The following RALGAPA2 variants were observed in gnomAD, a reference collection of about 807,000 sequenced individuals.
RALGAPA2 encodes the protein ral GTPase-activating protein subunit alpha-2.
In RALGAPA2, 139 loss-of-function variants were observed where a neutral mutation model predicts 230.4. That is an observed-to-expected ratio of 0.60 (90% CI 0.53 to 0.69). The LOEUF is 0.69. RALGAPA2 is among the 30% of genes least tolerant of loss of function. RALGAPA2 has a pLI of 0.00. For synonymous variants in RALGAPA2, 847 were observed against 837.8 expected, an observed-to-expected ratio of 1.01 and a Z score of -0.19; for missense variants, 2,163 against 2,276.0, an observed-to-expected ratio of 0.95 and a Z score of 1.01.
At chr20:20,605,955 T>A (rs1021164018) in intron 14 of RALGAPA2, among the ~76,000 whole-genome samples, 1 of 152,110 alleles carries the variant, frequency 6.6e-6, no homozygotes, top group African/African-American at 2.4e-5. Flanking sequence ...CCCGCTCTGC[T>A]ACCCTGTTGC....
chr20:20,418,712 A>G (rs1434483383), intron 37 of RALGAPA2, among the ~76,000 whole-genome samples: 1 of 150,692 alleles, frequency 6.6e-6, no homozygotes, highest in Non-Finnish European at 1.5e-5. Flanking sequence ...CGAAGGACAC[A>G]TTGAGTGCAA....
chr20:20,456,889 A>G (rs1206831888), intron 37 of RALGAPA2, among the ~76,000 whole-genome samples: 1 of 151,794 alleles, frequency 6.6e-6, no homozygotes, highest in African/African-American at 2.4e-5. Context: ...GCACAATCAT[A>G]TTGCACTACA....
chr20:20,543,385 T>C (rs2063700211), intron 24 of RALGAPA2, among the ~76,000 whole-genome samples: 3 of 152,102 alleles, frequency 2.0e-5, no homozygotes, highest in South Asian at 2.1e-4. Context: ...ACTGGGTATA[T>C]ACCCAAAGGA....
intron 3 of RALGAPA2, 87 bp from the exon 4 acceptor site, chr20:20,653,674 T>A: frequency 1.4e-6 from 1 of 733,818 alleles, no homozygotes; most frequent in Non-Finnish European, 2.3e-6. Flanking sequence ...GTAGGTAAGT[T>A]CTAGAAGAGG....
intron 10 of RALGAPA2, among the ~76,000 whole-genome samples, chr20:20,628,702 A>T (rs1231634085): frequency 6.6e-6 from 1 of 152,186 alleles, no homozygotes; most frequent in East Asian, 1.9e-4. Flanking sequence ...AACTGTTTCC[A>T]GACATTGCTA....
At chr20:20,544,162 C>T (rs1370833640) in intron 24 of RALGAPA2, among the ~76,000 whole-genome samples, 8 of 152,004 alleles carry the variant, frequency 5.3e-5, no homozygotes, top group Non-Finnish European at 1.0e-4. Flanking sequence ...TGGCTCACAC[C>T]TGTAATCCCA....
At chr20:20,504,326 G>A (rs547757670) in intron 34 of RALGAPA2, among the ~76,000 whole-genome samples, 32 of 152,284 alleles carry the variant, frequency 2.1e-4, no homozygotes, top group African/African-American at 6.7e-4. Context: ...TAAGGATGTC[G>A]TTTTGACTCT....
intron 13 of RALGAPA2, among the ~76,000 whole-genome samples, chr20:20,612,487 T>C (rs1171432808): frequency 6.6e-6 from 1 of 152,216 alleles, no homozygotes; most frequent in Non-Finnish European, 1.5e-5. Flanking sequence ...AACAGCATTT[T>C]CTCCTAACAA....
intron 24 of RALGAPA2, among the ~76,000 whole-genome samples, chr20:20,537,421 A>G (rs2063525679): frequency 6.6e-6 from 1 of 151,952 alleles, no homozygotes; most frequent in African/African-American, 2.4e-5. Flanking sequence ...GGAGTTCGAG[A>G]CCAGCCTGGC....
chr20:20,503,423 G>C lies in RALGAPA2; in HGVS notation c.5136C>G (p.Thr1712=). ...STGQTAPYYA[T]STVEVIFHVS... Reference sequence around the variant, plus strand: ...CATGGAAAATCACTTCCACAGTTGAGGTAGCATAGTAAGGGGCCGTCTGCC... The same window carrying C: ...CATGGAAAATCACTTCCACAGTTGACGTAGCATAGTAAGGGGCCGTCTGCC... The change falls in exon 35 of 40, where the codon ACC becomes ACG. Residue 1712 remains threonine, a synonymous_variant. Transcript: ENST00000202677. 2.5e-6 allele frequency: 4 copies of C among 1,609,218 alleles called. No homozygotes were observed. Among genetic ancestry groups the C allele is most frequent in the Non-Finnish European group, 3.4e-6 (4 of 1,176,888 alleles).
chr20:20,605,518 A>G, intron 14 of RALGAPA2, 106 bp from the exon 15 acceptor site: 1 of 871,890 alleles, frequency 1.1e-6, no homozygotes, highest in South Asian at 1.9e-5. Flanking sequence ...ATTTTAAAAT[A>G]AAAAGTACTT....
chr20:20,657,654 T>G (rs984244167), intron 3 of RALGAPA2, among the ~76,000 whole-genome samples: 7 of 152,166 alleles, frequency 4.6e-5, no homozygotes, highest in African/African-American at 1.7e-4. Flanking sequence ...TGTGCTTCCT[T>G]CCATGCAGTT....
At chr20:20,421,092 A>G (rs2060266475) in intron 37 of RALGAPA2, among the ~76,000 whole-genome samples, 1 of 152,212 alleles carries the variant, frequency 6.6e-6, no homozygotes, top group East Asian at 1.9e-4. Context: ...TATATAAAGA[A>G]CTCTCACAGA....
chr20:20,675,279 T>C (rs2068278505), intron 3 of RALGAPA2, among the ~76,000 whole-genome samples: 1 of 152,114 alleles, frequency 6.6e-6, no homozygotes, highest in South Asian at 2.1e-4. Flanking sequence ...CCAGGGCTAT[T>C]GAGCACTAGC....
At chr20:20,530,626 T>C (rs1244418228) in intron 27 of RALGAPA2, among the ~76,000 whole-genome samples, 1 of 152,168 alleles carries the variant, frequency 6.6e-6, no homozygotes, top group Non-Finnish European at 1.5e-5. Flanking sequence ...ATGGCGACAG[T>C]CCCAGGCGTC....
At chr20:20,500,289 C>A (rs2062335775) in intron 35 of RALGAPA2, among the ~76,000 whole-genome samples, 3 of 152,190 alleles carry the variant, frequency 2.0e-5, no homozygotes. Flanking sequence ...TGGTGTCTGA[C>A]AGCATTTTGC....
intron 1 of RALGAPA2, among the ~76,000 whole-genome samples, chr20:20,683,981 C>A (rs1012517517): frequency 2.6e-5 from 4 of 152,204 alleles, no homozygotes; most frequent in Non-Finnish European, 4.4e-5. Context: ...TGAGCACATG[C>A]AGAGTGCGCC....
In RALGAPA2 at chr20:20,437,270, C is replaced by A. The variant is rs2060635879; in HGVS notation, c.5496-25122G>T. On this transcript the variant is annotated intron_variant, in intron 37 of 39. Coordinates refer to ENST00000202677, the MANE Select transcript of RALGAPA2 (RefSeq NM_020343.4). The surrounding 1 kb of genome is among the most constrained non-coding windows in gnomAD (Gnocchi z 4.1). ...TCACTGAGGCACACATGACTCTGCA[C>A]CCTCTGACATGCCACGTCTCATCTG... Among the ~76,000 whole-genome samples the A allele has an allele frequency of 6.6e-6, 1 of 152,164 alleles. No individual in the cohort carries two copies. The highest frequency in any genetic ancestry group is 1.5e-5 in the Non-Finnish European group (1 of 68,034).
intron 20 of RALGAPA2, among the ~76,000 whole-genome samples, chr20:20,576,903 A>G (rs1008262642): frequency 3.3e-5 from 5 of 152,266 alleles, no homozygotes; most frequent in Admixed American, 6.6e-5. Context: ...GTGTTTTCAA[A>G]GAACAATTTT....
Sources: gnomAD v4.1 joint callset for allele counts (sites outside exome capture counted in the v4.1 genomes callset) on GRCh38, gnomAD v4.1.1 for gene constraint, Gnocchi (gnomAD v3.1) non-coding constraint, MANE v1.5 for transcripts, NCBI Gene and HGNC (gene_info 2026-07-23, HGNC 2026-07-21) for gene names.